The following SHISA4 variants were observed in gnomAD, a reference collection of about 807,000 sequenced individuals.
SHISA4 encodes shisa family member 4.
SHISA4 carries 16 observed loss-of-function variants against 24.2 expected under a neutral mutation model. That is an observed-to-expected ratio of 0.66 (90% CI 0.45 to 1.00). The LOEUF (loss-of-function observed/expected upper bound fraction) is 1.00. Ranked by LOEUF, SHISA4 falls within the 50% of genes least tolerant of loss-of-function variation. The probability of loss-of-function intolerance (pLI) is 0.00; values close to 1 mark genes in which losing one functional copy is unlikely to be tolerated. For synonymous variants in SHISA4, 106 were observed against 105.4 expected (o/e 1.01, Z -0.04); for missense variants, 238 against 258.9 (o/e 0.92, Z 0.55).
In SHISA4 at chr1:201,892,279, T is replaced by C. The variant is rs1391304075; in HGVS notation, c.*433T>C. ...CCCACTGGCCACATCTCTGGCCTGC[T>C]AGATTAAAGCTGTAAAGACATAACT... On this transcript the variant is annotated 3_prime_UTR_variant, in exon 5 of 5. Transcript: ENST00000362011. 1 of 220,338 alleles carries C rather than the reference T, an allele frequency of 4.5e-6. No homozygotes were observed. Among genetic ancestry groups the C allele is most frequent in the African/African-American group, 2.3e-5 (1 of 43,062 alleles). 13.6% of individuals were successfully genotyped at this position (220,338 alleles called of 1,614,324 possible).
rs1433049975 is a variant in SHISA4, at chr1:201,889,074, G to C, written c.73+7G>C. On this transcript the variant is annotated splice_region_variant and intron_variant, in intron 1 of 4. Transcript: ENST00000362011. ...GTGCTGGGGGCTCCCCTGGGTAAGG[G>C]GATGGGGAGAGATGCGGCAGGAGTG... 2.3e-5 allele frequency: 33 copies of C among 1,409,222 alleles called. No individual in the cohort carries two copies. In the East Asian group the frequency reaches 8.8e-4, roughly 38 times the overall value. The allele number at this position is 1,409,222 out of a possible 1,614,324, so 87.3% of individuals were successfully genotyped here.
rs959944664 is a variant in SHISA4, at chr1:201,892,545, ACTACAG to A, written c.*700_*705del. Among the ~76,000 whole-genome samples, 5 of 152,144 alleles carry A rather than the reference ACTACAG, an allele frequency of 3.3e-5. No individual in the cohort carries two copies. Among genetic ancestry groups the A allele is most frequent in the Admixed American group, 6.5e-5 (1 of 15,276 alleles). ...CAGCTCTGAAGAGATGCTCGTTTGC[ACTACAG>A]ATATTCCCTGCTAGGGATCAACAGC... On this transcript the variant is annotated 3_prime_UTR_variant, in exon 5 of 5. Coordinates refer to ENST00000362011, the MANE Select transcript of SHISA4 (RefSeq NM_198149.3).
chr1:201,890,393 C>T (rs1681070986), intron 2 of SHISA4, 61 bp from the exon 3 acceptor site: 2 of 1,587,620 alleles, frequency 1.3e-6, no homozygotes, highest in South Asian at 1.1e-5. Context: ...TTGGAGCCAG[C>T]ATAATGAGGA....
At chr1:201,888,886 G>T (rs1020308832), upstream of SHISA4, 2 of 673,482 alleles carry the variant, frequency 3.0e-6, no homozygotes, top group African/African-American at 3.8e-5. Context: ...GGCGGAAGAG[G>T]AGCCCGAGCC....
At position 201,889,064 on chromosome 1, in the gene SHISA4, C is replaced by G; in HGVS notation, c.70C>G (p.Leu24Val). 2 of 1,396,710 alleles carry G rather than the reference C, an allele frequency of 1.4e-6. No individual in the cohort carries two copies. The highest frequency in any genetic ancestry group is 1.9e-6 in the Non-Finnish European group (2 of 1,073,114). The allele number at this position is 1,396,710 out of a possible 1,614,324, so 86.5% of individuals were successfully genotyped here. Residue 24 changes from leucine to valine, a missense_variant, in exon 1 of 5, where the codon CTG (leucine) becomes GTG (valine). Coordinates refer to ENST00000362011, the MANE Select transcript of SHISA4 (RefSeq NM_198149.3). ...AIALLVLGAP[L>V]VLAGEDCLWY... ...CGCTCTGTTGGTGCTGGGGGCTCCCCTGGGTAAGGGGATGGGGAGAGATGC... is the reference window on the plus strand; with the variant it reads ...CGCTCTGTTGGTGCTGGGGGCTCCCGTGGGTAAGGGGATGGGGAGAGATGC...
intron 1 of SHISA4, 178 bp from the exon 2 acceptor site, chr1:201,889,267 G>C: frequency 1.0e-6 from 1 of 961,346 alleles, no homozygotes; most frequent in Non-Finnish European, 1.5e-6. Flanking sequence ...GGGGTGCAGG[G>C]TCAGCTTCAG....
chr1:201,891,685 C>A, intron 4 of SHISA4, 115 bp from the exon 5 acceptor site: 1 of 1,544,706 alleles, frequency 6.5e-7, no homozygotes, highest in East Asian at 2.3e-5. Flanking sequence ...CACCTCTAGC[C>A]CGAAACCTCC....
In SHISA4 at chr1:201,889,461, C is replaced by G; in HGVS notation, c.90C>G (p.Asp30Glu). 3 of 1,613,476 alleles carry G rather than the reference C, an allele frequency of 1.9e-6. No individual in the cohort carries two copies. Among genetic ancestry groups the G allele is most frequent in the Non-Finnish European group, 2.5e-6 (3 of 1,180,010 alleles). The change falls in exon 2 of 5, where the codon GAC becomes GAG. Residue 30 changes from aspartate to glutamate, a missense_variant. Coordinates refer to ENST00000362011, the MANE Select transcript of SHISA4 (RefSeq NM_198149.3). ...TGCCCGCAGTGCTGGCCGGCGAGGA[C>G]TGCCTGTGGTACCTGGACCGGAATG... ...LGAPLVLAGE[D>E]CLWYLDRNGS... is the part of the protein sequence containing the mutation.
intron 1 of SHISA4, 53 bp from the exon 2 acceptor site, chr1:201,889,392 C>T: frequency 6.2e-7 from 1 of 1,600,276 alleles, no homozygotes; most frequent in South Asian, 1.1e-5. Flanking sequence ...CCGAGCGCGG[C>T]TGGGGATGAA....
Position 201,891,501 on chromosome 1 carries a change from C to T in SHISA4, c.480C>T (p.Tyr160=), listed in dbSNP as rs961602433. 1.2e-6 allele frequency: 2 copies of T among 1,613,820 alleles called. No individual in the cohort carries two copies. Among genetic ancestry groups the T allele is most frequent in the South Asian group, 2.2e-5 (2 of 91,066 alleles). The change falls in exon 4 of 5, where the codon TAC becomes TAT. Residue 160 remains tyrosine, a synonymous_variant. Coordinates refer to ENST00000362011, the MANE Select transcript of SHISA4 (RefSeq NM_198149.3). ...GPAPPQPGFI[Y]PPSGPAPQYP... ...CACCCCCACAGCCTGGCTTCATATACCCACCTAGTGGTCCTGCTCCCCAAT... is the reference window on the plus strand; with the variant it reads ...CACCCCCACAGCCTGGCTTCATATATCCACCTAGTGGTCCTGCTCCCCAAT...
In SHISA4 at chr1:201,892,399, G is replaced by C. The variant is rs770245043; in HGVS notation, c.*553G>C. 6.4e-6 allele frequency: 1 copy of C among 156,728 alleles called. No individual in the cohort carries two copies. Among genetic ancestry groups the C allele is most frequent in the African/African-American group, 2.4e-5 (1 of 41,420 alleles). 9.7% of individuals were successfully genotyped at this position (156,728 alleles called of 1,614,324 possible). A position where few individuals can be genotyped will look rare whatever the true frequency, so the allele number is the denominator to read the frequency against. On this transcript the variant is annotated 3_prime_UTR_variant, in exon 5 of 5. Coordinates refer to ENST00000362011, the MANE Select transcript of SHISA4 (RefSeq NM_198149.3). ...TGCCCACTCCATATTCCAAAAGTAGGGGAGGGCCAGCACCAGCATCGGAGC... is the reference window on the plus strand; with the variant it reads ...TGCCCACTCCATATTCCAAAAGTAGCGGAGGGCCAGCACCAGCATCGGAGC...
At chr1:201,889,333 C>A in intron 1 of SHISA4, 112 bp from the exon 2 acceptor site, 1 of 1,446,744 alleles carries the variant, frequency 6.9e-7, no homozygotes, top group South Asian at 1.3e-5. Context: ...CAAGGGGCAA[C>A]CCTCAGTGTT....
chr1:201,889,896 G>A (rs953035983), intron 2 of SHISA4, among the ~76,000 whole-genome samples: 3 of 152,148 alleles, frequency 2.0e-5, no homozygotes, highest in Admixed American at 2.0e-4. Context: ...AGGTCATGGG[G>A]AGGGAGGGTT....
At chr1:201,889,115 A>G in intron 1 of SHISA4, 48 bp downstream of exon 1, 3 of 1,343,252 alleles carry the variant, frequency 2.2e-6, no homozygotes, top group South Asian at 1.9e-5. Flanking sequence ...GGGGCGGAGG[A>G]AGGGGAGGGA....
In SHISA4 at chr1:201,890,574, G is replaced by A; in HGVS notation, c.366G>A (p.Gln122=). 1 of 1,614,192 alleles carries A rather than the reference G, an allele frequency of 6.2e-7. No homozygotes were observed. Among genetic ancestry groups the A allele is most frequent in the Non-Finnish European group, 8.5e-7 (1 of 1,180,044 alleles). The change falls in exon 3 of 5, where the codon CAG becomes CAA. Residue 122 remains glutamine, a synonymous_variant. Transcript: ENST00000362011. ...TGTACCGCCGGCGCCAGCAGCTCCA[G>A]AGCCCATTTGAAGGTACACCCAGTA... is the stretch of plus-strand genomic sequence containing the variant. ...CYLYRRRQQL[Q]SPFEGQEIPM... is the part of the protein sequence containing the mutation.
At chr1:201,890,612 G>A in intron 3 of SHISA4, 25 bp downstream of exon 3, 1 of 1,612,444 alleles carries the variant, frequency 6.2e-7, no homozygotes, top group Middle Eastern at 1.7e-4. Flanking sequence ...GGGCAAGAAG[G>A]GCCTCAGATG....
rs1276185121 is a variant in SHISA4 at position 201,889,453 on chromosome 1, G to A, written c.82G>A (p.Gly28Ser). ...LVLGAPLVLA[G>S]EDCLWYLDRN... Reference sequence around the variant, plus strand: ...CCAATCCCTGCCCGCAGTGCTGGCCGGCGAGGACTGCCTGTGGTACCTGGA... The same window carrying A: ...CCAATCCCTGCCCGCAGTGCTGGCCAGCGAGGACTGCCTGTGGTACCTGGA... The change falls in exon 2 of 5, where the codon GGC becomes AGC. Residue 28 changes from glycine to serine, a missense_variant. By Grantham distance (56) the Gly-to-Ser change is moderately conservative (BLOSUM62 0). Coordinates refer to ENST00000362011, the MANE Select transcript of SHISA4 (RefSeq NM_198149.3). 1.2e-6 allele frequency: 2 copies of A among 1,612,790 alleles called. No individual in the cohort carries two copies. The highest frequency in any genetic ancestry group is 1.3e-5 in the African/African-American group (1 of 74,922).
intron 2 of SHISA4, 133 bp from the exon 3 acceptor site, chr1:201,890,321 G>A (rs1681068933): frequency 1.7e-6 from 2 of 1,179,890 alleles, no homozygotes; most frequent in Non-Finnish European, 2.4e-6. Flanking sequence ...CACAGGGACT[G>A]GGCAGAGCCC....
chr1:201,891,978 G>T lies in SHISA4; in HGVS notation c.*132G>T. 1.1e-5 allele frequency: 11 copies of T among 1,022,080 alleles called. No homozygotes were observed. Among genetic ancestry groups the T allele is most frequent in the Non-Finnish European group, 1.7e-5 (11 of 658,008 alleles). The allele number at this position is 1,022,080 out of a possible 1,614,324, so 63.3% of individuals were successfully genotyped here. The stretch of plus-strand genomic sequence containing the variant: ...CAGGCCCCAGACCAAGCCAAGCCCT[G>T]GGCCCTACTGGGGACAGAGCCCCAG... On this transcript the variant is annotated 3_prime_UTR_variant, in exon 5 of 5. Coordinates refer to ENST00000362011, the MANE Select transcript of SHISA4 (RefSeq NM_198149.3).
Sources: allele counts gnomAD v4.1 joint callset (sites outside exome capture counted in the v4.1 genomes callset), GRCh38; gene constraint gnomAD v4.1.1; transcripts MANE v1.5; gene names NCBI Gene and HGNC (gene_info 2026-07-23, HGNC 2026-07-21).